Variants in STMN2 observed in about 807,000 individuals in gnomAD.
STMN2 encodes stathmin-2.
In STMN2, 2 loss-of-function variants were observed where a neutral mutation model predicts 24.1. The observed-to-expected ratio is 0.08, with a 90% CI of 0.03 to 0.26. The LOEUF is 0.26. Ranked by LOEUF, STMN2 falls within the 10% of genes least tolerant of loss-of-function variation. STMN2 has a pLI of 1.00. For missense variants in STMN2, 114 were observed against 213.6 expected (o/e 0.53, Z 2.91); for synonymous variants, 83 against 77.5 (o/e 1.07, Z -0.37).
intron 4 of STMN2, among the ~76,000 whole-genome samples, chr8:79,663,221 A>T (rs550074669): frequency 2.6e-5 from 4 of 152,244 alleles, no homozygotes; most frequent in African/African-American, 7.2e-5. Context: ...ACATTTTTCC[A>T]TGCAACTATA....
intron 3 of STMN2, among the ~76,000 whole-genome samples, chr8:79,642,811 G>A (rs1202637357): frequency 2.0e-5 from 3 of 151,036 alleles, no homozygotes. Context: ...CCTATGATAT[G>A]TAATATGCTG....
chr8:79,650,928 G>T (rs960114709), intron 3 of STMN2, among the ~76,000 whole-genome samples: 7 of 152,084 alleles, frequency 4.6e-5, no homozygotes, highest in Admixed American at 1.3e-4. Flanking sequence ...AACAAAGCAA[G>T]ACCCTGTCTC....
chr8:79,651,369 T>C (rs750304679), intron 3 of STMN2, among the ~76,000 whole-genome samples: 6 of 152,202 alleles, frequency 3.9e-5, no homozygotes, highest in Non-Finnish European at 8.8e-5. Flanking sequence ...CCCCATTAAA[T>C]TGAGTCATTT....
At chr8:79,630,140 C>G (rs1039045) in intron 1 of STMN2, among the ~76,000 whole-genome samples, 24,892 of 152,094 alleles carry the variant, frequency 0.16, 2,672 homozygotes, top group East Asian at 0.41. Flanking sequence ...ACAATCAACC[C>G]CATCCCACGG....
chr8:79,622,509 G>A (rs1809540792), intron 1 of STMN2, among the ~76,000 whole-genome samples: 1 of 152,116 alleles, frequency 6.6e-6, no homozygotes, highest in South Asian at 2.1e-4. Flanking sequence ...TGAGACAGCA[G>A]CCAATATAGT....
chr8:79,613,383 C>G, intron 1 of STMN2: 1 of 985,438 alleles, frequency 1.0e-6, no homozygotes, highest in Non-Finnish European at 1.2e-6. Context: ...CGCTCCCCTC[C>G]CCGGAGTTGG....
intron 1 of STMN2, among the ~76,000 whole-genome samples, chr8:79,613,289 C>T (rs994199447): frequency 7.9e-5 from 12 of 152,204 alleles, no homozygotes; most frequent in Admixed American, 7.8e-4. Flanking sequence ...CCCAGAGCCG[C>T]CTACCGCTGG....
chr8:79,652,582 G>A (rs1013362789), intron 3 of STMN2, among the ~76,000 whole-genome samples: 1 of 151,962 alleles, frequency 6.6e-6, no homozygotes, highest in Non-Finnish European at 1.5e-5. Context: ...TTGCATTTGA[G>A]TTGTTATACC....
At chr8:79,659,849 G>T (rs1224841378) in intron 4 of STMN2, among the ~76,000 whole-genome samples, 1 of 150,128 alleles carries the variant, frequency 6.7e-6, no homozygotes, top group Non-Finnish European at 1.5e-5. Context: ...AAATTGAGTA[G>T]GGACTAAAGA....
chr8:79,614,611 A>T (rs1345280661), intron 1 of STMN2, among the ~76,000 whole-genome samples: 2 of 152,234 alleles, frequency 1.3e-5, no homozygotes, highest in African/African-American at 4.8e-5. Context: ...TATGCACGTT[A>T]AAATTCTCTG....
chr8:79,647,748 T>C (rs1301843482), intron 3 of STMN2, among the ~76,000 whole-genome samples: 1 of 152,244 alleles, frequency 6.6e-6, no homozygotes, highest in Non-Finnish European at 1.5e-5. Flanking sequence ...TCTTTGATTA[T>C]CGCTGGTAGT....
Position 79,660,204 on chromosome 8 carries a change from T to TA in STMN2, c.481-4611_481-4610insA, listed in dbSNP as rs1324254633. On this transcript the variant is annotated intron_variant, in intron 4 of 4. Transcript: ENST00000220876. ...AGGACGATGGAGGGAACAGAGAGGG[T>TA]TAACATGGCAAGTTACTGAAGAGGA... 2.0e-5 allele frequency among the ~76,000 whole-genome samples: 3 copies of TA among 152,266 alleles called. No homozygotes were observed. The East Asian group carries it at 5.8e-4, about 29-fold the overall frequency.
chr8:79,616,850 G>A (rs1332005676), intron 1 of STMN2, among the ~76,000 whole-genome samples: 1 of 152,074 alleles, frequency 6.6e-6, no homozygotes, highest in Non-Finnish European at 1.5e-5. Flanking sequence ...CGAGAGAAAG[G>A]TAGAAAATAA....
chr8:79,624,955 A>G (rs539562216), intron 1 of STMN2, among the ~76,000 whole-genome samples: 65 of 152,170 alleles, frequency 4.3e-4, no homozygotes, highest in African/African-American at 1.5e-3. Flanking sequence ...TGAGCCAGCT[A>G]CAAGTCACAT....
rs1421777766 is a variant in STMN2, at chr8:79,641,496, C to A, written c.234C>A (p.Asp78Glu). 2 of 1,613,904 alleles carry A rather than the reference C, an allele frequency of 1.2e-6. No individual in the cohort carries two copies. The highest frequency in any genetic ancestry group is 1.3e-5 in the African/African-American group (1 of 74,892). The change falls in exon 3 of 5, where the codon GAC becomes GAA. Residue 78 changes from aspartate (D) to glutamate (E), a missense_variant. By Grantham distance (45) the Asp-to-Glu change is conservative. Transcript: ENST00000220876. ...CTTTAGCTTCTCCAAAGAAGAAAGA[C>A]CTGTCCCTGGAGGAGATCCAGAAGA... ...PRTLASPKKKDLSLEEIQKKL... is the reference protein window; with the variant it reads ...PRTLASPKKKELSLEEIQKKL...
chr8:79,639,965 G>A (rs1280062256), intron 2 of STMN2, among the ~76,000 whole-genome samples: 1 of 152,200 alleles, frequency 6.6e-6, no homozygotes, highest in Admixed American at 6.5e-5. Flanking sequence ...ACTTTGGGAG[G>A]CCAAGGCTGG....
intron 1 of STMN2, among the ~76,000 whole-genome samples, chr8:79,620,249 AAT>A (rs1245046806): frequency 6.7e-6 from 1 of 149,270 alleles, no homozygotes; most frequent in Non-Finnish European, 1.5e-5. Context: ...ATTTATATGT[AAT>A]ATATAAATAT....
chr8:79,640,459 A>C (rs1344730740), intron 2 of STMN2, among the ~76,000 whole-genome samples: 1 of 152,170 alleles, frequency 6.6e-6, no homozygotes, highest in Non-Finnish European at 1.5e-5. Flanking sequence ...AACTTTTTTA[A>C]GGCTGAACAG....
intron 3 of STMN2, among the ~76,000 whole-genome samples, chr8:79,647,400 CTACCCTTAA>C (rs1262065690): frequency 6.6e-5 from 10 of 152,308 alleles, no homozygotes; most frequent in African/African-American, 2.4e-4. Context: ...CTCCCTCCCC[CTACCCTTAA>C]TACCTTGAAG....
Sources: gnomAD v4.1 joint callset for allele counts (sites outside exome capture counted in the v4.1 genomes callset) on GRCh38, gnomAD v4.1.1 for gene constraint, MANE v1.5 for transcripts, NCBI Gene and HGNC (gene_info 2026-07-23, HGNC 2026-07-21) for gene names.